TOM1: variants seen among roughly 807,000 people sequenced by gnomAD.
TOM1 encodes target of myb1 membrane trafficking protein.
In TOM1, 38 loss-of-function variants were observed where a neutral mutation model predicts 61.3. The observed-to-expected ratio is 0.62, with a 90% CI of 0.48 to 0.81. The LOEUF (loss-of-function observed/expected upper bound fraction) is 0.81. Among genes scored for constraint, TOM1 ranks in the 40% least tolerant of loss-of-function variants. The pLI is 0.00. For synonymous variants in TOM1, 270 were observed against 268.8 expected (o/e 1.00, Z -0.04); for missense variants, 591 against 659.6 (o/e 0.90, Z 1.14).
chr22:35,327,057 A>C (rs1309661885), intron 6 of TOM1, among the ~76,000 whole-genome samples: 2 of 152,062 alleles, frequency 1.3e-5, no homozygotes, highest in Non-Finnish European at 2.9e-5. Context: ...AACGGTTGGT[A>C]GCGCCTCTGT....
rs180698298 is a variant in TOM1, at chr22:35,300,324, C to A, written c.52+344C>A. Among the ~76,000 whole-genome samples, 12 of 152,372 alleles carry A rather than the reference C, an allele frequency of 7.9e-5. No individual in the cohort carries two copies. The East Asian group carries it at 1.5e-3, about 20-fold the overall frequency. On this transcript the variant is annotated intron_variant, in intron 1 of 14. Coordinates refer to ENST00000449058, the MANE Select transcript of TOM1 (RefSeq NM_005488.3). ...ACTGCGTGGTTGGCAGTGGCTGGGC[C>A]ACTCTGCTGGGTCCCGCCGCCTGGG...
intron 9 of TOM1, 29 bp downstream of exon 9, chr22:35,333,043 C>T (rs1361199717): frequency 6.2e-6 from 10 of 1,612,902 alleles, no homozygotes; most frequent in Non-Finnish European, 8.5e-6. Flanking sequence ...GTGACTAGAT[C>T]AGGCCCTGTT....
intron 6 of TOM1, among the ~76,000 whole-genome samples, chr22:35,324,265 G>A (rs1217721740): frequency 2.0e-5 from 3 of 152,136 alleles, no homozygotes; most frequent in Non-Finnish European, 1.5e-5. Flanking sequence ...AGCTCCACCT[G>A]TGTGGTTTCT....
At position 35,305,859 on chromosome 22, in the gene TOM1, CG is replaced by C. The variant is rs3216430; in HGVS notation, c.52+5883del. Among the ~76,000 whole-genome samples the C allele has an allele frequency of 1.1e-4, 16 of 151,958 alleles. 1 individual carries two copies. The East Asian group carries it at 3.1e-3, about 29-fold the overall frequency. On this transcript the variant is annotated intron_variant, in intron 1 of 14. Coordinates refer to ENST00000449058, the MANE Select transcript of TOM1 (RefSeq NM_005488.3). ...CCACTGGAGCTGTGAAGGCAGAAGCCGGGGTGGGGAGGGCGACTATAAAGAG... is the reference window on the plus strand; with the variant it reads ...CCACTGGAGCTGTGAAGGCAGAAGCCGGGTGGGGAGGGCGACTATAAAGAG...
In TOM1 at chr22:35,323,531, G is replaced by A; in HGVS notation, c.402G>A (p.Leu134=). 1 of 1,614,166 alleles carries A rather than the reference G, an allele frequency of 6.2e-7. No homozygotes were observed. Among genetic ancestry groups the A allele is most frequent in the East Asian group, 2.2e-5 (1 of 44,872 alleles). The change falls in exon 5 of 15, where the codon CTG becomes CTA. Residue 134 remains leucine (L), a synonymous_variant. Coordinates refer to ENST00000449058, the MANE Select transcript of TOM1 (RefSeq NM_005488.3). This position sits in a 1 kb window ranked among gnomAD's most constrained non-coding sequence, Gnocchi z 4.2. ...WADAFRSSPD[L]TGVVTIYEDL... ...ACGCGTTCCGCAGCTCGCCCGATCTGACAGGTGTGGTCACCATCTATGAGG... is the reference window on the plus strand; with the variant it reads ...ACGCGTTCCGCAGCTCGCCCGATCTAACAGGTGTGGTCACCATCTATGAGG...
intron 1 of TOM1, among the ~76,000 whole-genome samples, chr22:35,302,759 C>CA (rs1359150284): frequency 2.0e-5 from 3 of 152,154 alleles, no homozygotes; most frequent in Non-Finnish European, 4.4e-5. Context: ...TCCAAGACCC[C>CA]AGTAAATTGA....
At chr22:35,316,400 G>A (rs1002709242) in intron 1 of TOM1, among the ~76,000 whole-genome samples, 1 of 152,246 alleles carries the variant, frequency 6.6e-6, no homozygotes, top group Admixed American at 6.5e-5. Context: ...CTAGGAAGGC[G>A]CAGAGAACAG....
chr22:35,326,754 C>T (rs374947714), intron 6 of TOM1, among the ~76,000 whole-genome samples: 18 of 143,550 alleles, frequency 1.3e-4, no homozygotes, highest in African/African-American at 2.1e-4. Flanking sequence ...AGGAGAGAGA[C>T]GGCGGGATCC....
intron 12 of TOM1, among the ~76,000 whole-genome samples, chr22:35,339,969 G>A (rs1317448261): frequency 6.6e-6 from 1 of 151,984 alleles, no homozygotes; most frequent in South Asian, 2.1e-4. Flanking sequence ...TTTGAATTCC[G>A]TTTAGTTCCT....
chr22:35,342,821 A>G (rs1929987020), intron 12 of TOM1, among the ~76,000 whole-genome samples: 2 of 144,926 alleles, frequency 1.4e-5, no homozygotes, highest in African/African-American at 5.2e-5. Flanking sequence ...ATACACCTAC[A>G]CAGACACCCC....
intron 12 of TOM1, among the ~76,000 whole-genome samples, chr22:35,341,405 G>A (rs1352545773): frequency 6.6e-6 from 1 of 152,204 alleles, no homozygotes; most frequent in African/African-American, 2.4e-5. Flanking sequence ...TGTTCTGCCT[G>A]GCTTCTAAGC....
intron 1 of TOM1, among the ~76,000 whole-genome samples, chr22:35,315,244 G>C (rs1198024139): frequency 2.0e-5 from 3 of 152,144 alleles, no homozygotes; most frequent in Non-Finnish European, 4.4e-5. Flanking sequence ...TTTGGGAGCT[G>C]ACTTGGCAGG....
intron 1 of TOM1, among the ~76,000 whole-genome samples, chr22:35,310,378 C>T (rs1282905313): frequency 1.3e-5 from 2 of 152,146 alleles, no homozygotes; most frequent in Non-Finnish European, 2.9e-5. Flanking sequence ...TGTGGTGAAA[C>T]CCTGTCTCTA....
intron 1 of TOM1, among the ~76,000 whole-genome samples, chr22:35,301,784 G>A (rs1237243465): frequency 7.2e-6 from 1 of 138,608 alleles, no homozygotes; most frequent in Non-Finnish European, 1.6e-5. Context: ...GAGAGGAACT[G>A]CCCTCTCAAA....
Position 35,323,713 on chromosome 22 carries a change from C to T in TOM1, c.502-55C>T. 1.9e-6 allele frequency: 3 copies of T among 1,605,886 alleles called. No homozygotes were observed. The highest frequency in any genetic ancestry group is 1.7e-6 in the Non-Finnish European group (2 of 1,174,234). On this transcript the variant is annotated intron_variant, in intron 5 of 14. Coordinates refer to ENST00000449058, the MANE Select transcript of TOM1 (RefSeq NM_005488.3). The surrounding 1 kb of genome is among the most constrained non-coding windows in gnomAD (Gnocchi z 4.2). ...ACATCACCAGGCTGGCCCCTGACTT[C>T]CTGGGCTCTTGATGTTCCCAGGAGC...
chr22:35,342,454 G>A (rs1019277606), intron 12 of TOM1, among the ~76,000 whole-genome samples: 7 of 152,046 alleles, frequency 4.6e-5, no homozygotes, highest in Non-Finnish European at 7.4e-5. Flanking sequence ...ATAAACTGAT[G>A]TTTCTAAAAC....
chr22:35,338,896 AG>A lies in TOM1; in HGVS notation c.1224+110del, dbSNP rs377691974. 365 of 1,031,736 alleles carry A rather than the reference AG, an allele frequency of 3.5e-4. 3 individuals are homozygous for A. The East Asian group carries it at 8.3e-3, about 23-fold the overall frequency. 63.9% of individuals were successfully genotyped at this position (1,031,736 alleles called of 1,614,324 possible). A position where few individuals can be genotyped will look rare whatever the true frequency, so the allele number is the denominator to read the frequency against. On this transcript the variant is annotated intron_variant, in intron 12 of 14. Coordinates refer to ENST00000449058, the MANE Select transcript of TOM1 (RefSeq NM_005488.3). ...CCAAGCACTGGCCCAGCACGTCCAC[AG>A]GCCCTTCCTCGTTTGGCCGTCAGGT...
chr22:35,342,971 C>T (rs1337830788), intron 12 of TOM1, among the ~76,000 whole-genome samples: 1 of 109,228 alleles, frequency 9.2e-6, no homozygotes, highest in African/African-American at 3.8e-5. Flanking sequence ...ACACACCACA[C>T]CTACACACTC....
intron 12 of TOM1, among the ~76,000 whole-genome samples, chr22:35,341,629 A>T (rs1189828478): frequency 6.6e-6 from 1 of 152,164 alleles, no homozygotes; most frequent in African/African-American, 2.4e-5. Context: ...AATCCCAGCC[A>T]ATCTGCTCCT....
Sources: gnomAD v4.1 joint callset for allele counts (sites outside exome capture counted in the v4.1 genomes callset) on GRCh38, gnomAD v4.1.1 for gene constraint, Gnocchi (gnomAD v3.1) non-coding constraint, MANE v1.5 for transcripts, NCBI Gene and HGNC (gene_info 2026-07-23, HGNC 2026-07-21) for gene names.